The following CACNA1A variants were observed in gnomAD, a reference collection of about 807,000 sequenced individuals.
The protein encoded by CACNA1A is calcium voltage-gated channel subunit alpha1 A.
CACNA1A carries 57 observed loss-of-function variants against 262.4 expected under a neutral mutation model. The ratio of observed to expected loss-of-function variants is 0.22; its 90% CI spans 0.18 to 0.27. The LOEUF (loss-of-function observed/expected upper bound fraction) is 0.27. Among genes scored for constraint, CACNA1A ranks in the 10% least tolerant of loss-of-function variants. CACNA1A has a pLI of 1.00. For synonymous variants in CACNA1A, 1,431 were observed against 1,419.3 expected, an observed-to-expected ratio of 1.01 and a Z score of -0.18; for missense variants, 2,526 against 3,562.8, an observed-to-expected ratio of 0.71 and a Z score of 7.41.
rs2054627303 is a variant in CACNA1A at position 13,207,907 on chromosome 19, C to T, written c.6927G>A (p.Ser2309=). 6.8e-7 allele frequency: 1 copy of T among 1,461,652 alleles called. No individual in the cohort carries two copies. The highest frequency in any genetic ancestry group is 9.0e-7 in the Non-Finnish European group (1 of 1,112,412). 90.5% of individuals were successfully genotyped at this position (1,461,652 alleles called of 1,614,324 possible). A position where few individuals can be genotyped will look rare whatever the true frequency, so the allele number is the denominator to read the frequency against. ...YSPVIRKAGG[S]GPPQQQQQQQ... is the part of the protein sequence containing the mutation. ...GCTGCTGCTGCTGCTGCGGGGGCCCCGAGCCGCCGGCCTTACGGATCACAG... is the reference window on the plus strand; with the variant it reads ...GCTGCTGCTGCTGCTGCGGGGGCCCTGAGCCGCCGGCCTTACGGATCACAG... Residue 2309 remains serine (S), a synonymous_variant, in exon 47 of 47, where the codon TCG becomes TCA. Transcript: ENST00000360228. The surrounding 1 kb of genome is among the most constrained non-coding windows in gnomAD (Gnocchi z 5.7).
intron 34 of CACNA1A, 78 bp from the exon 35 acceptor site, chr19:13,231,938 A>G (rs1401355684): frequency 1.4e-6 from 2 of 1,472,484 alleles, no homozygotes; most frequent in Non-Finnish European, 1.9e-6. Context: ...GGTGGAGCAC[A>G]CACGTTGAGC....
chr19:13,399,793 G>T (rs964670352), intron 3 of CACNA1A, among the ~76,000 whole-genome samples: 3 of 152,168 alleles, frequency 2.0e-5, no homozygotes, highest in African/African-American at 7.2e-5. Flanking sequence ...ATAAGATAAG[G>T]GACGAGTGAG....
chr19:13,398,301 A>T (rs2144682250), intron 3 of CACNA1A, among the ~76,000 whole-genome samples: 1 of 152,050 alleles, frequency 6.6e-6, no homozygotes, highest in East Asian at 1.9e-4. Context: ...TTTGAACTTT[A>T]TCTGTGCAAG....
chr19:13,460,458 A>G (rs2061099841), intron 1 of CACNA1A, among the ~76,000 whole-genome samples: 1 of 152,190 alleles, frequency 6.6e-6, no homozygotes, highest in African/African-American at 2.4e-5. Context: ...CCTGAGAAGA[A>G]ACCGAAGATT....
rs867198944 is a variant in CACNA1A, at chr19:13,253,251, A to T, written c.4756-150T>A. 14 of 486,756 alleles carry T rather than the reference A, an allele frequency of 2.9e-5. No homozygotes were observed. In the Middle Eastern group the frequency reaches 1.6e-3, roughly 57 times the overall value. 30.2% of individuals were successfully genotyped at this position (486,756 alleles called of 1,614,324 possible). On this transcript the variant is annotated intron_variant, in intron 29 of 46. Transcript: ENST00000360228. ...ACTGGTAGGAGGCACAGTTCAGGAAAGCCCCGCTCTCCGCCGGACTAGGCT... is the reference window on the plus strand; with the variant it reads ...ACTGGTAGGAGGCACAGTTCAGGAATGCCCCGCTCTCCGCCGGACTAGGCT...
Position 13,209,441 on chromosome 19 carries a change from G to C in CACNA1A, c.6397C>G (p.Arg2133Gly). The part of the protein sequence containing the change: ...RSASVLGPKA[R>G]RLDDYSLERV... ...TCCAGCGAGTAATCGTCCAGGCGTC[G>C]GGCCTTGGGGCCCAGCACGGAGGCT... The change falls in exon 45 of 47, where the codon CGA (arginine) becomes GGA (glycine). Residue 2133 changes from arginine (R) to glycine (G), a missense_variant. By Grantham distance (125) the Arg-to-Gly change is moderately radical. This residue lies in a region of CACNA1A where 929 missense variants were observed against 868.1 expected (regional missense o/e 1.07). Coordinates refer to ENST00000360228, the MANE Select transcript of CACNA1A (RefSeq NM_001127222.2). The C allele has an allele frequency of 4.3e-6, 6 of 1,380,512 alleles. No homozygotes were observed. Among genetic ancestry groups the C allele is most frequent in the Non-Finnish European group, 5.6e-6 (6 of 1,062,428 alleles). 85.5% of individuals were successfully genotyped at this position (1,380,512 alleles called of 1,614,324 possible).
chr19:13,429,564 A>G (rs973599980), intron 3 of CACNA1A, among the ~76,000 whole-genome samples: 4 of 151,436 alleles, frequency 2.6e-5, no homozygotes, highest in African/African-American at 9.7e-5. Flanking sequence ...TTCAGAGCCA[A>G]TGAGACCTCT....
chr19:13,389,981 T>C (rs1044245158), intron 3 of CACNA1A, among the ~76,000 whole-genome samples: 1 of 151,300 alleles, frequency 6.6e-6, no homozygotes, highest in South Asian at 2.1e-4. Flanking sequence ...CCTGGCTAAT[T>C]TTTTTTTATT....
chr19:13,320,595 G>A (rs749852950), intron 10 of CACNA1A, among the ~76,000 whole-genome samples: 2 of 152,116 alleles, frequency 1.3e-5, no homozygotes, highest in Non-Finnish European at 2.9e-5. Context: ...CCCCACGACA[G>A]GCATACCCTT....
chr19:13,278,984 C>T (rs114321556), intron 22 of CACNA1A, among the ~76,000 whole-genome samples: 2,112 of 152,182 alleles, frequency 0.014, 42 homozygotes, highest in African/African-American at 0.049. Context: ...GCAGTGGGCA[C>T]AGCCTGGTCA....
intron 38 of CACNA1A, among the ~76,000 whole-genome samples, chr19:13,221,329 G>A (rs1055319054): frequency 7.0e-6 from 1 of 141,938 alleles, no homozygotes; most frequent in Admixed American, 7.5e-5. Flanking sequence ...TGCCTCCCAG[G>A]TTCAAGTAAT....
chr19:13,277,252 A>T (rs922083483), intron 22 of CACNA1A, 124 bp from the exon 23 acceptor site: 4 of 657,490 alleles, frequency 6.1e-6, no homozygotes, highest in Non-Finnish European at 8.2e-6. Flanking sequence ...CAGCTGCTAT[A>T]TACAGTTGCG....
At position 13,433,460 on chromosome 19, in the gene CACNA1A, C is replaced by CAAAAAAAAAAAAAA. The variant is rs533297364; in HGVS notation, c.539+19402_539+19415dup. On this transcript the variant is annotated intron_variant, in intron 3 of 46. Transcript: ENST00000360228. ...TCGGCAACAAAGCAAGACGCTGTCT[C>CAAAAAAAAAAAAAA]AAAAAAAAAAAAAAAAAAAAAAAGT... Among the ~76,000 whole-genome samples, 42 of 76,210 alleles carry CAAAAAAAAAAAAAA rather than the reference C, an allele frequency of 5.5e-4. 2 individuals are homozygous for CAAAAAAAAAAAAAA. Among genetic ancestry groups the CAAAAAAAAAAAAAA allele is most frequent in the East Asian group, 1.8e-3 (4 of 2,254 alleles). 50.0% of individuals were successfully genotyped at this position (76,210 alleles called of 152,430 possible). A position where few individuals can be genotyped will look rare whatever the true frequency, so the allele number is the denominator to read the frequency against.
At chr19:13,447,011 A>G (rs1300756506) in intron 3 of CACNA1A, among the ~76,000 whole-genome samples, 1 of 152,130 alleles carries the variant, frequency 6.6e-6, no homozygotes, top group Non-Finnish European at 1.5e-5. Context: ...AAGGAGATAG[A>G]ACCACCAGAC....
intron 32 of CACNA1A, 22 bp downstream of exon 32, chr19:13,235,592 A>AGG (rs752798154): frequency 4.6e-6 from 7 of 1,516,296 alleles, no homozygotes; most frequent in Non-Finnish European, 1.8e-6. Context: ...GCCCTGGGCC[A>AGG]GCAGCAGGGA....
chr19:13,421,639 C>T (rs1487678146), intron 3 of CACNA1A, among the ~76,000 whole-genome samples: 2 of 152,106 alleles, frequency 1.3e-5, no homozygotes. Context: ...TTTCAGAGAG[C>T]TGCCTCAACT....
intron 12 of CACNA1A, among the ~76,000 whole-genome samples, chr19:13,309,850 C>T (rs1325614481): frequency 6.6e-6 from 1 of 152,136 alleles, no homozygotes; most frequent in East Asian, 1.9e-4. Context: ...AAAATTCACA[C>T]TTTGAATTAC....
intron 6 of CACNA1A, among the ~76,000 whole-genome samples, chr19:13,349,027 A>AAAAAAAAAGAGAG (rs541410353): frequency 7.3e-6 from 1 of 137,740 alleles, no homozygotes; most frequent in African/African-American, 3.1e-5. Flanking sequence ...AAAAAAAAAA[A>AAAAAAAAAGAGAG]AGAGAGACAA....
At position 13,227,414 on chromosome 19, in the gene CACNA1A, C is replaced by T. The variant is rs372720515; in HGVS notation, c.5625+17G>A. The T allele has an allele frequency of 5.6e-4, 811 of 1,457,086 alleles. 3 individuals carry two copies. The highest frequency in any genetic ancestry group is 9.0e-4 in the Middle Eastern group (5 of 5,554). 90.3% of individuals were successfully genotyped at this position (1,457,086 alleles called of 1,614,324 possible). A position where few individuals can be genotyped will look rare whatever the true frequency, so the allele number is the denominator to read the frequency against. On this transcript the variant is annotated intron_variant, in intron 37 of 46. Transcript: ENST00000360228. ...AACCCAGTGCCTGGACGTCGGTGGT[C>T]GGCAAGGGTAGTCTACCTTGTAAGC...
Sources: allele counts gnomAD v4.1 joint callset (sites outside exome capture counted in the v4.1 genomes callset), GRCh38; gene constraint gnomAD v4.1.1; regional missense constraint gnomAD v4.1.1; non-coding constraint Gnocchi (gnomAD v3.1); transcripts MANE v1.5; gene names NCBI Gene and HGNC (gene_info 2026-07-23, HGNC 2026-07-21).